Variants in NFATC2 observed in about 807,000 individuals in gnomAD.
NFATC2 encodes the protein nuclear factor of activated T cells 2.
A neutral mutation model predicts 87.3 loss-of-function variants in NFATC2; 22 were observed. The observed-to-expected ratio is 0.25, with a 90% CI of 0.18 to 0.36. NFATC2 has a LOEUF of 0.36. Among genes scored for constraint, NFATC2 ranks in the 10% least tolerant of loss-of-function variants. The pLI is 1.00. For missense variants in NFATC2, 1,149 were observed against 1,259.1 expected (o/e 0.91, Z 1.32); for synonymous variants, 565 against 542.2 (o/e 1.04, Z -0.58).
At position 51,542,674 on chromosome 20, in the gene NFATC2, C is replaced by G; in HGVS notation, c.-175G>C. The G allele has an allele frequency of 9.4e-7, 1 of 1,066,858 alleles. No individual in the cohort carries two copies. Among genetic ancestry groups the G allele is most frequent in the Non-Finnish European group, 1.1e-6 (1 of 885,238 alleles). The allele number at this position is 1,066,858 out of a possible 1,614,324, so 66.1% of individuals were successfully genotyped here. ...TGGCGCAGCGGGTCCTGGACGCGCC[C>G]GGGGAAGCTGAGCGGCGGCGGCGAC... On this transcript the variant is annotated 5_prime_UTR_variant, in exon 1 of 11. Coordinates refer to ENST00000371564, the MANE Select transcript of NFATC2 (RefSeq NM_012340.5).
chr20:51,510,745 C>T (rs112934659), intron 3 of NFATC2, among the ~76,000 whole-genome samples: 5 of 152,300 alleles, frequency 3.3e-5, no homozygotes, highest in African/African-American at 1.2e-4. Flanking sequence ...CCTCAGCCTC[C>T]CAAGTAGCTG....
intron 9 of NFATC2, among the ~76,000 whole-genome samples, chr20:51,418,546 C>A (rs1422043234): frequency 1.3e-5 from 2 of 152,118 alleles, no homozygotes; most frequent in East Asian, 3.9e-4. Flanking sequence ...TTTTGAGATT[C>A]CTGGACTGAC....
At chr20:51,507,069 C>T (rs2076195593) in intron 3 of NFATC2, among the ~76,000 whole-genome samples, 1 of 152,200 alleles carries the variant, frequency 6.6e-6, no homozygotes, top group African/African-American at 2.4e-5. Context: ...CTGGGCTCAG[C>T]CCATGTGCTC....
chr20:51,521,527 G>T (rs1383976548), intron 2 of NFATC2, among the ~76,000 whole-genome samples: 1 of 152,220 alleles, frequency 6.6e-6, no homozygotes, highest in African/African-American at 2.4e-5. Context: ...CGCCATGTTG[G>T]CAAGGCTGGT....
intron 1 of NFATC2, among the ~76,000 whole-genome samples, chr20:51,540,663 T>TTTGTTTTTTGTTTG (rs1555818359): frequency 2.2e-5 from 3 of 135,692 alleles, no homozygotes; most frequent in Admixed American, 7.2e-5. Context: ...TTTTTGTTTT[T>TTTGTTTTTTGTTTG]TTTTTTTTGA....
intron 9 of NFATC2, among the ~76,000 whole-genome samples, chr20:51,431,622 TCTCC>T (rs1168229392): frequency 6.6e-6 from 1 of 152,090 alleles, no homozygotes; most frequent in Non-Finnish European, 1.5e-5. Context: ...TTTTCCTCCC[TCTCC>T]CTCCCTCAAA....
chr20:51,492,777 C>T (rs1182179917), intron 3 of NFATC2, among the ~76,000 whole-genome samples: 1 of 152,252 alleles, frequency 6.6e-6, no homozygotes, highest in Non-Finnish European at 1.5e-5. Flanking sequence ...CTCGGCCTGT[C>T]AAGAGGCGTG....
At chr20:51,456,036 ATGGGTGGATGGG>A (rs1186934241) in intron 5 of NFATC2, among the ~76,000 whole-genome samples, 33 of 66,528 alleles carry the variant, frequency 5.0e-4, no homozygotes, top group Non-Finnish European at 2.8e-5. Flanking sequence ...GGATGAATGG[ATGGGTGGATGGG>A]TGGATGGATG....
chr20:51,529,347 T>C (rs1198992812), intron 1 of NFATC2, among the ~76,000 whole-genome samples: 1 of 132,088 alleles, frequency 7.6e-6, no homozygotes, highest in Non-Finnish European at 1.7e-5. Flanking sequence ...TTTTCATTAA[T>C]CCAAGCGGCA....
intron 5 of NFATC2, among the ~76,000 whole-genome samples, chr20:51,455,288 C>T (rs1045448450): frequency 2.0e-5 from 3 of 152,182 alleles, no homozygotes; most frequent in African/African-American, 7.2e-5. Flanking sequence ...ACTTCTAGAA[C>T]ATTCTGTCTC....
At chr20:51,416,206 G>A (rs991409373) in intron 9 of NFATC2, among the ~76,000 whole-genome samples, 3 of 150,612 alleles carry the variant, frequency 2.0e-5, no homozygotes, top group Middle Eastern at 3.2e-3. Context: ...AGGTTGCAGC[G>A]AACCGAGATC....
intron 9 of NFATC2, among the ~76,000 whole-genome samples, chr20:51,429,100 C>T (rs6126229): frequency 0.52 from 79,149 of 152,084 alleles, 22,728 homozygotes; most frequent in South Asian, 0.64. Flanking sequence ...ATCTCATATC[C>T]CTAGAGCTGA....
chr20:51,456,745 G>A (rs1406918983), intron 5 of NFATC2, among the ~76,000 whole-genome samples: 3 of 152,356 alleles, frequency 2.0e-5, no homozygotes, highest in Admixed American at 2.0e-4. Context: ...CCATCCGCGA[G>A]CCTGGGCAGC....
rs190619601 is a variant in NFATC2 at position 51,401,199 on chromosome 20, G to A, written c.2723-2469C>T. On this transcript the variant is annotated intron_variant, in intron 9 of 10. Transcript: ENST00000371564. Reference sequence around the variant, plus strand: ...AGCCCGGCCAATATGGTGAAACCCCGTCTCTACTAAAAATACAAAAATTAG... The same window carrying A: ...AGCCCGGCCAATATGGTGAAACCCCATCTCTACTAAAAATACAAAAATTAG... Among the ~76,000 whole-genome samples the A allele has an allele frequency of 7.2e-5, 11 of 152,128 alleles. No individual in the cohort carries two copies. In the East Asian group the frequency reaches 1.5e-3, roughly 21 times the overall value.
At chr20:51,540,911 G>T (rs963555363) in intron 1 of NFATC2, among the ~76,000 whole-genome samples, 5 of 151,996 alleles carry the variant, frequency 3.3e-5, no homozygotes, top group Non-Finnish European at 1.5e-5. Flanking sequence ...TGAACAGAAA[G>T]ACCACGGATA....
intron 4 of NFATC2, among the ~76,000 whole-genome samples, chr20:51,475,042 C>A: frequency 6.9e-6 from 1 of 145,616 alleles, no homozygotes. Context: ...GATCTCGGCT[C>A]ACAGCAACCT....
At chr20:51,473,663 T>A (rs1007551709) in intron 5 of NFATC2, among the ~76,000 whole-genome samples, 1 of 152,206 alleles carries the variant, frequency 6.6e-6, no homozygotes, top group East Asian at 1.9e-4. Flanking sequence ...TCCAAATGCA[T>A]CTATCCTTTA....
intron 3 of NFATC2, among the ~76,000 whole-genome samples, chr20:51,503,316 T>C (rs1224690993): frequency 6.6e-6 from 1 of 152,220 alleles, no homozygotes; most frequent in African/African-American, 2.4e-5. Flanking sequence ...TTTACACACG[T>C]TCTCATTGAC....
At position 51,387,881 on chromosome 20, in the gene NFATC2, A is replaced by G. The variant is rs1360212633; in HGVS notation, c.*3615T>C. The stretch of plus-strand genomic sequence containing the variant: ...GTCTTTTTTTTTTTTTTTTTTTGAC[A>G]TGATAAATTCAGCCTCACTGTAGTC... On this transcript the variant is annotated 3_prime_UTR_variant, in exon 11 of 11. Coordinates refer to ENST00000371564, the MANE Select transcript of NFATC2 (RefSeq NM_012340.5). 4 of 127,894 alleles carry G rather than the reference A, an allele frequency of 3.1e-5. No individual in the cohort carries two copies. The East Asian group carries it at 9.3e-4, about 30-fold the overall frequency. 7.9% of individuals were successfully genotyped at this position (127,894 alleles called of 1,614,324 possible). A position where few individuals can be genotyped will look rare whatever the true frequency, so the allele number is the denominator to read the frequency against.
Sources: gnomAD v4.1 joint callset for allele counts (sites outside exome capture counted in the v4.1 genomes callset) on GRCh38, gnomAD v4.1.1 for gene constraint, MANE v1.5 for transcripts, NCBI Gene and HGNC (gene_info 2026-07-23, HGNC 2026-07-21) for gene names.